Variants in KCNQ1 observed in about 807,000 individuals in gnomAD.
The protein encoded by KCNQ1 is potassium voltage-gated channel subfamily Q member 1.
A neutral mutation model predicts 72.4 loss-of-function variants in KCNQ1; 49 were observed. The ratio of observed to expected loss-of-function variants is 0.68; its 90% CI spans 0.54 to 0.86. The LOEUF (loss-of-function observed/expected upper bound fraction) is 0.86. Among genes scored for constraint, KCNQ1 ranks in the 40% least tolerant of loss-of-function variants. The pLI, the probability that KCNQ1 is intolerant of heterozygous loss-of-function variation, is 0.00. For missense variants in KCNQ1, 790 were observed against 945.1 expected, an observed-to-expected ratio of 0.84 and a Z score of 2.15; for synonymous variants, 450 against 412.6, an observed-to-expected ratio of 1.09 and a Z score of -1.10.
At position 2,669,734 on chromosome 11, in the gene KCNQ1, A is replaced by C. The variant is rs1250894852; in HGVS notation, c.1514+7653A>C. Reference sequence around the variant, plus strand: ...CATACCTGACTCGGGGAAATGCCTGAAAATATTAGCCAGCATAGAATGTCT... The same window carrying C: ...CATACCTGACTCGGGGAAATGCCTGCAAATATTAGCCAGCATAGAATGTCT... On this transcript the variant is annotated intron_variant, in intron 11 of 15. Coordinates refer to ENST00000155840, the MANE Select transcript of KCNQ1 (RefSeq NM_000218.3). This position sits in a 1 kb window ranked among gnomAD's most constrained non-coding sequence, Gnocchi z 5.6. 1.0e-5 allele frequency: 4 copies of C among 398,688 alleles called. No homozygotes were observed. The highest frequency in any genetic ancestry group is 8.2e-5 in the African/African-American group (4 of 48,758). 24.7% of individuals were successfully genotyped at this position (398,688 alleles called of 1,614,324 possible). A position where few individuals can be genotyped will look rare whatever the true frequency, so the allele number is the denominator to read the frequency against.
Position 2,663,288 on chromosome 11 carries a change from G to C in KCNQ1, c.1514+1207G>C, listed in dbSNP as rs1028635320. On this transcript the variant is annotated intron_variant, in intron 11 of 15. Coordinates refer to ENST00000155840, the MANE Select transcript of KCNQ1 (RefSeq NM_000218.3). This position sits in a 1 kb window ranked among gnomAD's most constrained non-coding sequence, Gnocchi z 5.2. ...GGACACCCTGAGAATAGGGCTCTGA[G>C]CTTCTGGGCCCCTCCTGGCTGGGTA... The C allele has an allele frequency of 5.0e-6, 2 of 398,678 alleles. No individual in the cohort carries two copies. Among genetic ancestry groups the C allele is most frequent in the African/African-American group, 4.1e-5 (2 of 48,616 alleles). 24.7% of individuals were successfully genotyped at this position (398,678 alleles called of 1,614,324 possible).
At chr11:2,732,807 G>A (rs1845877524) in intron 11 of KCNQ1, among the ~76,000 whole-genome samples, 1 of 152,086 alleles carries the variant, frequency 6.6e-6, no homozygotes, top group Non-Finnish European at 1.5e-5. Context: ...GGAGCCTGGG[G>A]GCCTCTGTCC....
rs554698776 is a variant in KCNQ1 at position 2,571,407 on chromosome 11, C to A, written c.683+4C>A. 1.2e-6 allele frequency: 2 copies of A among 1,609,164 alleles called. No homozygotes were observed. The highest frequency in any genetic ancestry group is 8.5e-7 in the Non-Finnish European group (1 of 1,179,292). ...TGTTTGCCACGTCGGCCATCAGGTG[C>A]GTCTGTGCCACAAGCTCCCCCCGCC... On this transcript the variant is annotated splice_donor_region_variant and intron_variant, in intron 4 of 15. Transcript: ENST00000155840.
chr11:2,528,602 C>A (rs142540253), intron 2 of KCNQ1, among the ~76,000 whole-genome samples: 1 of 152,356 alleles, frequency 6.6e-6, no homozygotes, highest in Non-Finnish European at 1.5e-5. Context: ...AGGGGGCCAG[C>A]TGTGTCTGGA....
intron 15 of KCNQ1, among the ~76,000 whole-genome samples, chr11:2,795,895 G>C (rs992322717): frequency 7.2e-5 from 11 of 152,196 alleles, no homozygotes; most frequent in Admixed American, 1.3e-4. Context: ...CAGGGGGTAA[G>C]TGTGGCCAAC....
rs1258835652 is a variant in KCNQ1, at chr11:2,647,642, T to C, written c.1394-14319T>C. ...CGTGCAATCCTGAGGTTTTCTTTAC[T>C]GGGAGACTTTATTACTGATACAATC... On this transcript the variant is annotated intron_variant, in intron 10 of 15. Transcript: ENST00000155840. The surrounding 1 kb of genome is among the most constrained non-coding windows in gnomAD (Gnocchi z 4.0). 5.0e-6 allele frequency: 2 copies of C among 398,576 alleles called. No individual in the cohort carries two copies. Among genetic ancestry groups the C allele is most frequent in the Non-Finnish European group, 8.8e-6 (2 of 226,030 alleles). The allele number at this position is 398,576 out of a possible 1,614,324, so 24.7% of individuals were successfully genotyped here.
In KCNQ1 at chr11:2,690,493, C is replaced by T. The variant is rs981953460; in HGVS notation, c.1514+28412C>T. The T allele has an allele frequency of 1.0e-5, 4 of 398,336 alleles. No individual in the cohort carries two copies. Among genetic ancestry groups the T allele is most frequent in the African/African-American group, 2.1e-5 (1 of 48,564 alleles). The allele number at this position is 398,336 out of a possible 1,614,324, so 24.7% of individuals were successfully genotyped here. A position where few individuals can be genotyped will look rare whatever the true frequency, so the allele number is the denominator to read the frequency against. On this transcript the variant is annotated intron_variant, in intron 11 of 15. Coordinates refer to ENST00000155840, the MANE Select transcript of KCNQ1 (RefSeq NM_000218.3). The surrounding 1 kb of genome is among the most constrained non-coding windows in gnomAD (Gnocchi z 5.1). ...CCTGGGAACAGCCACTGGGCCCAGT[C>T]GGGGGGGTCTCAGCACCTATCACAA...
rs914115663 is a variant in KCNQ1, at chr11:2,559,418, G to A, written c.478-11210G>A. Among the ~76,000 whole-genome samples the A allele has an allele frequency of 7.9e-5, 12 of 152,186 alleles. No homozygotes were observed. Among genetic ancestry groups the A allele is most frequent in the Non-Finnish European group, 1.6e-4 (11 of 68,026 alleles). On this transcript the variant is annotated intron_variant, in intron 2 of 15. Transcript: ENST00000155840. This position sits in a 1 kb window ranked among gnomAD's most constrained non-coding sequence, Gnocchi z 4.9. ...TGGCTACTTAGACGTAGAGCCCGGG[G>A]CAGGGGGAGGGCCAGCCCCTGTGGT...
At chr11:2,667,577 G>A in intron 11 of KCNQ1, 1 of 398,504 alleles carries the variant, frequency 2.5e-6, no homozygotes, top group Non-Finnish European at 4.4e-6. Flanking sequence ...TTGGGGCAGG[G>A]GGTCGGGGCG....
intron 7 of KCNQ1, among the ~76,000 whole-genome samples, chr11:2,584,419 TAGTGTG>T (rs1848555618): frequency 1.3e-5 from 2 of 148,692 alleles, no homozygotes; most frequent in African/African-American, 5.1e-5. Flanking sequence ...GTTTCTGTGT[TAGTGTG>T]TGTGTTAGTG....
intron 12 of KCNQ1, among the ~76,000 whole-genome samples, chr11:2,774,107 G>C (rs1430973883): frequency 6.6e-6 from 1 of 152,156 alleles, no homozygotes; most frequent in Non-Finnish European, 1.5e-5. Context: ...GGAGAAACAG[G>C]GCTCAGCATC....
intron 15 of KCNQ1, among the ~76,000 whole-genome samples, chr11:2,806,986 T>C (rs80252897): frequency 0.018 from 2,738 of 151,996 alleles, 68 homozygotes; most frequent in African/African-American, 0.061. Context: ...GGCTGGGGCG[T>C]AGCCCCTCTC....
At chr11:2,622,026 T>C (rs1849181922) in intron 10 of KCNQ1, 2 of 398,138 alleles carry the variant, frequency 5.0e-6, no homozygotes, top group Admixed American at 8.8e-5. Context: ...ACTTCCCTCT[T>C]AGAACTGCTT....
chr11:2,719,107 C>T (rs1039764371), intron 11 of KCNQ1, among the ~76,000 whole-genome samples: 1 of 152,176 alleles, frequency 6.6e-6, no homozygotes, highest in Non-Finnish European at 1.5e-5. Flanking sequence ...CCGCAGAGCA[C>T]CATCTCCAGC....
intron 1 of KCNQ1, among the ~76,000 whole-genome samples, chr11:2,480,974 C>T (rs1422843876): frequency 1.3e-5 from 2 of 152,122 alleles, no homozygotes; most frequent in African/African-American, 2.4e-5. Context: ...AAGCAGAGCA[C>T]GTTTGGGAGT....
chr11:2,785,941 T>C lies in KCNQ1; in HGVS notation c.1794+7904T>C, dbSNP rs966806717. On this transcript the variant is annotated intron_variant, in intron 15 of 15. Coordinates refer to ENST00000155840, the MANE Select transcript of KCNQ1 (RefSeq NM_000218.3). The surrounding 1 kb of genome is among the most constrained non-coding windows in gnomAD (Gnocchi z 4.4). Reference sequence around the variant, plus strand: ...TTATTCTCCCCCTGACTTAGTACTTTGCTGTTGTATATTTTAGTTGAACTG... The same window carrying C: ...TTATTCTCCCCCTGACTTAGTACTTCGCTGTTGTATATTTTAGTTGAACTG... 9.2e-5 allele frequency among the ~76,000 whole-genome samples: 14 copies of C among 152,124 alleles called. No individual in the cohort carries two copies. The highest frequency in any genetic ancestry group is 3.4e-4 in the African/African-American group (14 of 41,456).
intron 15 of KCNQ1, among the ~76,000 whole-genome samples, chr11:2,804,519 G>T (rs565027639): frequency 2.0e-5 from 3 of 152,250 alleles, no homozygotes; most frequent in Non-Finnish European, 4.4e-5. Context: ...AGAGGGCTGG[G>T]TGTCACCCCA....
chr11:2,583,354 AGT>A, intron 6 of KCNQ1, 79 bp from the exon 7 acceptor site: 1 of 935,424 alleles, frequency 1.1e-6, no homozygotes, highest in Non-Finnish European at 1.8e-6. Context: ...CGCTCATCAG[AGT>A]GGTGGGTTTG....
At chr11:2,738,761 C>T in intron 11 of KCNQ1, among the ~76,000 whole-genome samples, 1 of 152,236 alleles carries the variant, frequency 6.6e-6, no homozygotes, top group Non-Finnish European at 1.5e-5. Flanking sequence ...GCAGCACTGG[C>T]CACACAGACA....
Sources: allele counts gnomAD v4.1 joint callset (sites outside exome capture counted in the v4.1 genomes callset), GRCh38; gene constraint gnomAD v4.1.1; non-coding constraint Gnocchi (gnomAD v3.1); transcripts MANE v1.5; gene names NCBI Gene and HGNC (gene_info 2026-07-23, HGNC 2026-07-21).